The following CYP4A11 variants were observed in gnomAD, a reference collection of about 807,000 sequenced individuals.
CYP4A11 encodes cytochrome P450 family 4 subfamily A member 11.
A neutral mutation model predicts 57.7 loss-of-function variants in CYP4A11; 52 were observed. The observed-to-expected ratio is 0.90, with a 90% confidence interval of 0.72 to 1.14. The LOEUF (loss-of-function observed/expected upper bound fraction) is 1.14. Among genes scored for constraint, CYP4A11 ranks in the 50% most tolerant of loss-of-function variants. The probability of loss-of-function intolerance (pLI) is 0.00; values close to 1 mark genes in which losing one functional copy is unlikely to be tolerated. For missense variants in CYP4A11, 641 were observed against 642.1 expected (o/e 1.00, Z 0.02); for synonymous variants, 228 against 247.1 (o/e 0.92, Z 0.72).
chr1:46,932,129 G>C, intron 11 of CYP4A11: 1 of 976,150 alleles, frequency 1.0e-6, no homozygotes. Flanking sequence ...GTAAATATGT[G>C]AACACTATAT....
In CYP4A11 at chr1:46,932,754, G is replaced by A. The variant is rs774174921; in HGVS notation, c.1364+7C>T. The A allele has an allele frequency of 3.5e-5, 56 of 1,614,172 alleles. No individual in the cohort carries two copies. The South Asian group carries it at 4.5e-4, about 13-fold the overall frequency. On this transcript the variant is annotated splice_region_variant and intron_variant, in intron 11 of 11. Transcript: ENST00000310638. The stretch of plus-strand genomic sequence containing the variant: ...CTCTATTCGAATTACCACACAGGAC[G>A]TCTCACCTTGATCCTCCTGAGAAGG...
chr1:46,931,648 T>A (rs1681036062), intron 11 of CYP4A11: 2 of 681,660 alleles, frequency 2.9e-6, no homozygotes, highest in Non-Finnish European at 3.6e-6. Context: ...GCGACATGAT[T>A]TGCAGGCAAT....
intron 1 of CYP4A11, among the ~76,000 whole-genome samples, chr1:46,939,360 G>A (rs775055924): frequency 1.3e-5 from 2 of 152,112 alleles, no homozygotes; most frequent in Non-Finnish European, 2.9e-5. Context: ...TTATCTGTGT[G>A]GAATTTTCAG....
intron 11 of CYP4A11, among the ~76,000 whole-genome samples, 180 bp from the exon 12 acceptor site, chr1:46,930,490 A>G (rs9333029): frequency 0.16 from 23,989 of 152,012 alleles, 2,016 homozygotes; most frequent in South Asian, 0.28. Flanking sequence ...ACACTATCCC[A>G]ATCCTTGGAC....
intron 9 of CYP4A11, 46 bp from the exon 10 acceptor site, chr1:46,933,093 G>C: frequency 6.2e-7 from 1 of 1,609,864 alleles, no homozygotes; most frequent in Non-Finnish European, 8.5e-7. Flanking sequence ...CATTTGCATG[G>C]GGTGGCCTGG....
chr1:46,930,318 A>G lies in CYP4A11; in HGVS notation c.1365-8T>C, dbSNP rs1680940951. ...TGTTTCCCGATGCAGTTCCTGGGCC[A>G]GGTGGAGATAATGAATTGAGAAGTG... On this transcript the variant is annotated splice_polypyrimidine_tract_variant and splice_region_variant and intron_variant, in intron 11 of 11. Transcript: ENST00000310638. 6.2e-7 allele frequency: 1 copy of G among 1,607,888 alleles called. No individual in the cohort carries two copies. The highest frequency in any genetic ancestry group is 8.5e-7 in the Non-Finnish European group (1 of 1,176,292).
rs12759935 is a variant in CYP4A11, at chr1:46,935,136, T to G, written c.654A>C (p.Ile218=). 1.6e-4 allele frequency: 252 copies of G among 1,613,862 alleles called. No homozygotes were observed. In the East Asian group the frequency reaches 4.0e-3, roughly 26 times the overall value. The stretch of plus-strand genomic sequence containing the variant: ...GGTTGTTCAGGTCACTAATGGCCTG[T>G]ATGTAGGACTGAGAATTCCTGAGGG... The part of the protein sequence containing the change: ...IQVDRNSQSY[I]QAISDLNNLV... Residue 218 remains isoleucine (I), a synonymous_variant, in exon 6 of 12, where the codon ATA becomes ATC. Transcript: ENST00000310638.
intron 4 of CYP4A11, among the ~76,000 whole-genome samples, chr1:46,936,083 A>G (rs1681370901): frequency 6.6e-6 from 1 of 152,256 alleles, no homozygotes; most frequent in Admixed American, 6.5e-5. Flanking sequence ...ACTCTGTTGT[A>G]GAGAAAACAG....
intron 11 of CYP4A11, 32 bp downstream of exon 11, chr1:46,932,729 C>T: frequency 6.2e-7 from 1 of 1,614,158 alleles, no homozygotes; most frequent in East Asian, 2.2e-5. Context: ...TCCCTCATTC[C>T]TCTATTCGAA....
At chr1:46,937,921 C>G in intron 2 of CYP4A11, 75 bp downstream of exon 2, 1 of 1,587,642 alleles carries the variant, frequency 6.3e-7, no homozygotes, top group South Asian at 1.1e-5. Flanking sequence ...CCACTCTCTT[C>G]TGGAATTTTA....
At chr1:46,938,331 G>A (rs111349757) in intron 1 of CYP4A11, among the ~76,000 whole-genome samples, 194 bp from the exon 2 acceptor site, 21 of 152,238 alleles carry the variant, frequency 1.4e-4, no homozygotes, top group East Asian at 7.7e-4. Context: ...ATGAGCCCTC[G>A]CTCAATGCTG....
chr1:46,937,217 C>T, intron 3 of CYP4A11, 85 bp downstream of exon 3: 2 of 1,471,382 alleles, frequency 1.4e-6, no homozygotes, highest in Non-Finnish European at 1.9e-6. Context: ...ATAGTGGTGG[C>T]CTCTAATCTG....
rs1163518881 is a variant in CYP4A11 at position 46,934,851 on chromosome 1, A to G, written c.790+149T>C. 1.1e-5 allele frequency: 15 copies of G among 1,394,784 alleles called. No individual in the cohort carries two copies. In the South Asian group the frequency reaches 1.7e-4, roughly 16 times the overall value. 86.4% of individuals were successfully genotyped at this position (1,394,784 alleles called of 1,614,324 possible). A position where few individuals can be genotyped will look rare whatever the true frequency, so the allele number is the denominator to read the frequency against. The stretch of plus-strand genomic sequence containing the variant: ...CACAGAATCTGGCCCCTCACATCTC[A>G]GCTCCCAGCCCCTGAGCAAGGGAAT... On this transcript the variant is annotated intron_variant, in intron 6 of 11. Transcript: ENST00000310638.
Position 46,941,391 on chromosome 1 carries a change from C to T in CYP4A11, c.43G>A (p.Val15Ile), listed in dbSNP as rs2148469542. 1 of 1,614,192 alleles carries T rather than the reference C, an allele frequency of 6.2e-7. No homozygotes were observed. The highest frequency in any genetic ancestry group is 1.7e-5 in the Admixed American group (1 of 60,028). Residue 15 changes from valine (V) to isoleucine (I), a missense_variant, in exon 1 of 12, where the codon GTC (valine) becomes ATC (isoleucine). Val to Ile is a conservative substitution (Grantham distance 29). Coordinates refer to ENST00000310638, the MANE Select transcript of CYP4A11 (RefSeq NM_000778.4). ...GAGGCCGCTTGGAGGATTCCAGAGA[C>T]ATCACCCAGGAGTCTGCTGGGGCTC... ...VLSPSRLLGD[V>I]SGILQAASLL...
intron 9 of CYP4A11, among the ~76,000 whole-genome samples, chr1:46,933,394 T>A (rs1570066781): frequency 6.6e-6 from 1 of 152,314 alleles, no homozygotes; most frequent in African/African-American, 2.4e-5. Flanking sequence ...TAAGACATTC[T>A]TTTGCTCTCA....
intron 5 of CYP4A11, 93 bp from the exon 6 acceptor site, chr1:46,935,247 G>C: frequency 7.0e-7 from 1 of 1,436,542 alleles, no homozygotes; most frequent in South Asian, 1.3e-5. Flanking sequence ...TCGGATAATG[G>C]GGACAAGCAG....
In CYP4A11 at chr1:46,930,259, G is replaced by A. The variant is rs774880968; in HGVS notation, c.1416C>T (p.Ala472=). 3.7e-6 allele frequency: 6 copies of A among 1,614,074 alleles called. No homozygotes were observed. Among genetic ancestry groups the A allele is most frequent in the Non-Finnish European group, 4.2e-6 (5 of 1,179,958 alleles). ...FAMNELKVAT[A]LTLLRFELLP... The stretch of plus-strand genomic sequence containing the variant: ...GCAGCTCAAAGCGGAGCAGGGTCAG[G>A]GCCGTGGCCACCTTCAGCTCGTTCA... Residue 472 remains alanine, a synonymous_variant, in exon 12 of 12, where the codon GCC becomes GCT. Transcript: ENST00000310638.
chr1:46,934,536 C>A lies in CYP4A11; in HGVS notation c.814G>T (p.Ala272Ser). 6.2e-7 allele frequency: 1 copy of A among 1,613,680 alleles called. No individual in the cohort carries two copies. The highest frequency in any genetic ancestry group is 8.5e-7 in the Non-Finnish European group (1 of 1,179,772). ...AGCTCCCCCTCCTTCTGTAGTTGAG[C>A]CTTCCTCAGTTGGATCACTTGGTCT... ...HTDQVIQLRK[A>S]QLQKEGELEK... is the part of the protein sequence containing the mutation. The change falls in exon 7 of 12, where the codon GCT (alanine) becomes TCT (serine). Residue 272 changes from alanine to serine, a missense_variant. Physicochemically the swap from Ala to Ser is moderately conservative, Grantham distance 99. Transcript: ENST00000310638.
Position 46,933,939 on chromosome 1 carries a change from T to C in CYP4A11, c.1222+7A>G, listed in dbSNP as rs763593134. ...AGTTTAGGTGAGAGGGTGGGGGAAC[T>C]TCATACCTTTGGGCAAGGAGCGCCC... On this transcript the variant is annotated splice_region_variant and intron_variant, in intron 9 of 11. Transcript: ENST00000310638. 1.5e-5 allele frequency: 24 copies of C among 1,613,948 alleles called. No homozygotes were observed. The highest frequency in any genetic ancestry group is 2.0e-5 in the Non-Finnish European group (24 of 1,180,002).
Sources: gnomAD v4.1 joint callset for allele counts (sites outside exome capture counted in the v4.1 genomes callset) on GRCh38, gnomAD v4.1.1 for gene constraint, MANE v1.5 for transcripts, NCBI Gene and HGNC (gene_info 2026-07-23, HGNC 2026-07-21) for gene names.